CDH18: variants seen among roughly 807,000 people sequenced by gnomAD.
The protein encoded by CDH18 is cadherin 18, also known as cadherin-18.
A neutral mutation model predicts 67.9 loss-of-function variants in CDH18; 31 were observed. That is an observed-to-expected ratio of 0.46 (90% CI 0.34 to 0.62). CDH18 has a LOEUF of 0.62. Ranked by LOEUF, CDH18 falls within the 20% of genes least tolerant of loss-of-function variation. The pLI is 0.01. For missense variants in CDH18, 890 were observed against 975.5 expected, an observed-to-expected ratio of 0.91 and a Z score of 1.17; for synonymous variants, 362 against 347.2, an observed-to-expected ratio of 1.04 and a Z score of -0.48.
intron 1 of CDH18, among the ~76,000 whole-genome samples, chr5:20,291,391 A>G (rs910184078): frequency 3.9e-5 from 6 of 152,168 alleles, no homozygotes; most frequent in Admixed American, 1.3e-4. Context: ...TGAATGATGA[A>G]TGGTCTTAAG....
chr5:19,487,235 TGATA>T (rs1483140054), intron 11 of CDH18, among the ~76,000 whole-genome samples: 4 of 152,132 alleles, frequency 2.6e-5, no homozygotes, highest in African/African-American at 9.7e-5. Flanking sequence ...CATAGGTAAA[TGATA>T]GATAGATTAG....
intron 1 of CDH18, among the ~76,000 whole-genome samples, chr5:20,538,896 C>CTTTTTTT (rs775628726): frequency 2.2e-4 from 15 of 69,116 alleles, no homozygotes; most frequent in Non-Finnish European, 2.9e-4. Context: ...ACATAGCCAA[C>CTTTTTTT]TGTTTTTTTT....
At chr5:20,406,369 T>C (rs1268204278) in intron 1 of CDH18, among the ~76,000 whole-genome samples, 1 of 149,184 alleles carries the variant, frequency 6.7e-6, no homozygotes, top group East Asian at 2.0e-4. Context: ...CACTCATAGG[T>C]GGGAATTGAA....
intron 5 of CDH18, among the ~76,000 whole-genome samples, chr5:19,678,479 G>A (rs943962179): frequency 2.0e-5 from 3 of 151,898 alleles, no homozygotes; most frequent in Non-Finnish European, 4.4e-5. Flanking sequence ...CACAGGTAAA[G>A]CAGTGTTAAG....
chr5:19,985,573 C>T (rs1346891376), intron 1 of CDH18, among the ~76,000 whole-genome samples: 1 of 151,772 alleles, frequency 6.6e-6, no homozygotes, highest in Non-Finnish European at 1.5e-5. Context: ...TACTAAGGAG[C>T]CTACAATACA....
rs147969057 is a variant in CDH18 at position 19,961,044 on chromosome 5, G to A, written c.-257+20016C>T. On this transcript the variant is annotated intron_variant, in intron 2 of 12. Transcript: ENST00000382275. ...AAACGTGAGTAATTCATTGTGCTAC[G>A]ATGTTACAATGGCTATGATGTTACT... Among the ~76,000 whole-genome samples, 10 of 150,974 alleles carry A rather than the reference G, an allele frequency of 6.6e-5. No individual in the cohort carries two copies. In the South Asian group the frequency reaches 1.3e-3, roughly 19 times the overall value.
chr5:20,393,293 T>C (rs1641891095), intron 1 of CDH18, among the ~76,000 whole-genome samples: 1 of 151,992 alleles, frequency 6.6e-6, no homozygotes, highest in Admixed American at 6.6e-5. Flanking sequence ...TGCTCAATGA[T>C]TTATTTATAC....
intron 2 of CDH18, among the ~76,000 whole-genome samples, chr5:20,187,115 G>A (rs1738162138): frequency 6.6e-6 from 1 of 151,864 alleles, no homozygotes; most frequent in Non-Finnish European, 1.5e-5. Flanking sequence ...AGAACAGAAT[G>A]AGGATGCCAG....
At chr5:20,017,966 A>C (rs1444892280) in intron 2 of CDH18, among the ~76,000 whole-genome samples, 2 of 152,226 alleles carry the variant, frequency 1.3e-5, no homozygotes, top group Admixed American at 1.3e-4. Context: ...ATAAGGATTC[A>C]TTTAAAGGCA....
At chr5:20,370,815 G>A (rs570514669) in intron 1 of CDH18, among the ~76,000 whole-genome samples, 2 of 152,200 alleles carry the variant, frequency 1.3e-5, no homozygotes, top group South Asian at 4.1e-4. Context: ...GAGGCAGGAG[G>A]ATCATGAGGT....
intron 2 of CDH18, among the ~76,000 whole-genome samples, chr5:19,866,561 T>G (rs1018001288): frequency 5.9e-5 from 9 of 152,088 alleles, no homozygotes; most frequent in African/African-American, 2.2e-4. Flanking sequence ...ACGAAGTAAG[T>G]AGGGCAGTTT....
chr5:19,898,224 T>C (rs908887983), intron 2 of CDH18, among the ~76,000 whole-genome samples: 4 of 152,120 alleles, frequency 2.6e-5, no homozygotes, highest in Non-Finnish European at 4.4e-5. Context: ...GTATGCCATA[T>C]CTTTTCATTA....
intron 2 of CDH18, among the ~76,000 whole-genome samples, chr5:20,131,805 C>T (rs1173289679): frequency 6.6e-6 from 1 of 152,054 alleles, no homozygotes. Flanking sequence ...TTTTTCAAAA[C>T]TTGGGTCTAT....
intron 1 of CDH18, among the ~76,000 whole-genome samples, chr5:20,519,935 G>A (rs1468798477): frequency 8.8e-6 from 1 of 114,192 alleles, no homozygotes; most frequent in Non-Finnish European, 1.8e-5. Context: ...GTACAACACA[G>A]TCTTGGCTTT....
At position 20,307,259 on chromosome 5, in the gene CDH18, G is replaced by C. The variant is rs550149074; in HGVS notation, c.-579-51754C>G. Among the ~76,000 whole-genome samples the C allele has an allele frequency of 4.6e-5, 7 of 152,126 alleles. No homozygotes were observed. In the South Asian group the frequency reaches 1.5e-3, roughly 32 times the overall value. ...ATGGATATTCATTGAGGAAATTTTG[G>C]CAGGGGATGACACCAATAGATTTTT... On this transcript the variant is annotated intron_variant, in intron 1 of 14. Coordinates refer to the CDH18 transcript ENST00000507958.
intron 1 of CDH18, among the ~76,000 whole-genome samples, chr5:20,417,436 A>G (rs1239977978): frequency 6.6e-6 from 1 of 152,176 alleles, no homozygotes; most frequent in African/African-American, 2.4e-5. Context: ...CTTAGAACTA[A>G]TATATATTTA....
intron 6 of CDH18, among the ~76,000 whole-genome samples, chr5:19,612,106 T>C (rs1056656568): frequency 1.3e-5 from 2 of 152,158 alleles, no homozygotes; most frequent in African/African-American, 4.8e-5. Context: ...TCAAAATACC[T>C]TTTCAACATC....
chr5:20,503,656 G>A (rs745929059), intron 1 of CDH18, among the ~76,000 whole-genome samples: 2 of 152,186 alleles, frequency 1.3e-5, no homozygotes, highest in Non-Finnish European at 2.9e-5. Flanking sequence ...CTGAGAGGAC[G>A]TTATCATTAT....
Position 20,471,233 on chromosome 5 carries a change from C to T in CDH18, c.-580+104229G>A, listed in dbSNP as rs1448849854. Among the ~76,000 whole-genome samples the T allele has an allele frequency of 2.0e-5, 3 of 152,054 alleles. No homozygotes were observed. In the East Asian group the frequency reaches 5.8e-4, roughly 30 times the overall value. On this transcript the variant is annotated intron_variant, in intron 1 of 14. Transcript: ENST00000507958. ...CTTCCACTTTCTGTAAACTCAGTTT[C>T]ATAAATACTGCTTTCTCTGCTTGTT...
Sources: allele counts gnomAD v4.1 joint callset (sites outside exome capture counted in the v4.1 genomes callset), GRCh38; gene constraint gnomAD v4.1.1; transcripts MANE v1.5; gene names NCBI Gene and HGNC (gene_info 2026-07-23, HGNC 2026-07-21).